Variants in RAB3IP observed in about 807,000 individuals in gnomAD.
The protein encoded by RAB3IP is rab-3A-interacting protein.
RAB3IP carries 36 observed loss-of-function variants against 59.1 expected under a neutral mutation model. The ratio of observed to expected loss-of-function variants is 0.61; its 90% CI spans 0.47 to 0.80. The LOEUF (loss-of-function observed/expected upper bound fraction) is 0.80. Ranked by LOEUF, RAB3IP falls within the 30% of genes least tolerant of loss-of-function variation. The pLI is 0.00. For synonymous variants in RAB3IP, 207 were observed against 191.2 expected, an observed-to-expected ratio of 1.08 and a Z score of -0.68; for missense variants, 511 against 536.0, an observed-to-expected ratio of 0.95 and a Z score of 0.46.
intron 3 of RAB3IP, among the ~76,000 whole-genome samples, chr12:69,768,548 G>C (rs529554878): frequency 1.2e-4 from 19 of 152,284 alleles, no homozygotes; most frequent in African/African-American, 4.3e-4. Flanking sequence ...TGCTCTGAAT[G>C]CCTGGATTTC....
At chr12:69,780,895 TTATA>T (rs1218278737) in intron 3 of RAB3IP, among the ~76,000 whole-genome samples, 1 of 152,218 alleles carries the variant, frequency 6.6e-6, no homozygotes, top group African/African-American at 2.4e-5. Flanking sequence ...TAAAAGTTCT[TTATA>T]TACTACCTTT....
rs897524351 is a variant in RAB3IP at position 69,738,992 on chromosome 12, C to G, written c.-65C>G. On this transcript the variant is annotated 5_prime_UTR_variant, in exon 1 of 11. Coordinates refer to ENST00000247833, the MANE Select transcript of RAB3IP (RefSeq NM_022456.5). Reference sequence around the variant, plus strand: ...GACGCGCTCTCTGCGGCTCTGTGAGCGCCCCTGAGCGCCGGCAGCGGCCGC... The same window carrying G: ...GACGCGCTCTCTGCGGCTCTGTGAGGGCCCCTGAGCGCCGGCAGCGGCCGC... 1 of 152,110 alleles carries G rather than the reference C, an allele frequency of 6.6e-6. No homozygotes were observed. The highest frequency in any genetic ancestry group is 2.4e-5 in the African/African-American group (1 of 41,428). 9.4% of individuals were successfully genotyped at this position (152,110 alleles called of 1,614,324 possible).
At chr12:69,784,135 TGAG>T (rs1455985024) in intron 3 of RAB3IP, among the ~76,000 whole-genome samples, 5 of 152,136 alleles carry the variant, frequency 3.3e-5, no homozygotes, top group Non-Finnish European at 5.9e-5. Context: ...TGTGAACTGG[TGAG>T]GAGTTGAATA....
chr12:69,773,222 C>T (rs1294372102), intron 3 of RAB3IP, among the ~76,000 whole-genome samples: 3 of 151,948 alleles, frequency 2.0e-5, no homozygotes, highest in African/African-American at 7.2e-5. Flanking sequence ...CTTTCAGAAT[C>T]CCCTCCTTGT....
chr12:69,800,665 A>G (rs559469260), intron 7 of RAB3IP, among the ~76,000 whole-genome samples: 1 of 152,306 alleles, frequency 6.6e-6, no homozygotes, highest in Admixed American at 6.5e-5. Flanking sequence ...ACACTCTGTT[A>G]AAGGCATTTG....
At chr12:69,763,943 C>G (rs1871781148) in intron 3 of RAB3IP, among the ~76,000 whole-genome samples, 1 of 152,098 alleles carries the variant, frequency 6.6e-6, no homozygotes, top group African/African-American at 2.4e-5. Context: ...TTATTTTGTT[C>G]TTTTTTAATG....
At chr12:69,799,820 A>G (rs543293328) in intron 6 of RAB3IP, among the ~76,000 whole-genome samples, 82 of 152,240 alleles carry the variant, frequency 5.4e-4, no homozygotes, top group African/African-American at 1.9e-3. Flanking sequence ...GTCATCATTT[A>G]TTATATTCTG....
chr12:69,763,228 C>G (rs1267288998), intron 3 of RAB3IP, among the ~76,000 whole-genome samples: 1 of 152,194 alleles, frequency 6.6e-6, no homozygotes, highest in African/African-American at 2.4e-5. Flanking sequence ...CATGGAAACT[C>G]TCACAAAATT....
At chr12:69,746,892 A>G (rs1281486241) in intron 1 of RAB3IP, among the ~76,000 whole-genome samples, 13 of 152,198 alleles carry the variant, frequency 8.5e-5, no homozygotes, top group Non-Finnish European at 1.5e-5. Flanking sequence ...CCCCCCTTCC[A>G]CAACTGTCTG....
intron 1 of RAB3IP, chr12:69,739,449 C>T (rs1463760517): frequency 2.4e-5 from 4 of 170,160 alleles, no homozygotes; most frequent in Non-Finnish European, 3.7e-5. Context: ...GCCGCGGTCG[C>T]GAAGAGGATG....
intron 10 of RAB3IP, among the ~76,000 whole-genome samples, chr12:69,815,062 T>C (rs1452407126): frequency 6.6e-6 from 1 of 152,226 alleles, no homozygotes; most frequent in Admixed American, 6.5e-5. Context: ...GTATATTCAC[T>C]TAATGAAGGT....
chr12:69,747,319 TGTGTGTGTGTGTGA>T (rs941483948), intron 1 of RAB3IP, among the ~76,000 whole-genome samples: 5 of 144,442 alleles, frequency 3.5e-5, no homozygotes, highest in Non-Finnish European at 7.7e-5. Context: ...TGTGTGTGTG[TGTGTGTGTGTGTGA>T]GAGAGAGAGA....
intron 1 of RAB3IP, among the ~76,000 whole-genome samples, chr12:69,749,335 A>G (rs572752215): frequency 2.0e-5 from 3 of 152,364 alleles, no homozygotes; most frequent in African/African-American, 7.2e-5. Context: ...GAACAGTTTC[A>G]TCCCGAAACC....
intron 8 of RAB3IP, among the ~76,000 whole-genome samples, chr12:69,807,821 C>T (rs1227268526): frequency 6.7e-6 from 1 of 148,452 alleles, no homozygotes; most frequent in African/African-American, 2.5e-5. Context: ...CGCTCCTCAC[C>T]TCCCAGACGG....
At position 69,813,021 on chromosome 12, in the gene RAB3IP, A is replaced by G; in HGVS notation, c.1288A>G (p.Lys430Glu). 1 of 1,611,816 alleles carries G rather than the reference A, an allele frequency of 6.2e-7. No homozygotes were observed. Among genetic ancestry groups the G allele is most frequent in the Non-Finnish European group, 8.5e-7 (1 of 1,178,456 alleles). Residue 430 changes from lysine to glutamate, a missense_variant, in exon 10 of 11, where the codon AAA (lysine) becomes GAA (glutamate). Lys to Glu is a moderately conservative substitution (Grantham distance 56). Coordinates refer to ENST00000247833, the MANE Select transcript of RAB3IP (RefSeq NM_022456.5). ...YIRYIQQGLV[K>E]QQDVDQMFWE... Reference sequence around the variant, plus strand: ...TCGATACATTCAGCAGGGACTCGTGAAACAGCAGGATGGTGAGTGTTCTTG... The same window carrying G: ...TCGATACATTCAGCAGGGACTCGTGGAACAGCAGGATGGTGAGTGTTCTTG...
chr12:69,798,853 A>G (rs1592590268), intron 6 of RAB3IP, among the ~76,000 whole-genome samples: 2 of 152,312 alleles, frequency 1.3e-5, no homozygotes, highest in Admixed American at 6.5e-5. Flanking sequence ...AAATCAATAT[A>G]TGTTGGGAAC....
At chr12:69,751,569 TC>T (rs1189195160) in intron 1 of RAB3IP, among the ~76,000 whole-genome samples, 31 of 152,202 alleles carry the variant, frequency 2.0e-4, no homozygotes, top group South Asian at 8.3e-4. Context: ...TTGTAGTTTT[TC>T]TAATATGCTG....
chr12:69,788,254 A>G (rs929787650), intron 4 of RAB3IP, among the ~76,000 whole-genome samples: 3 of 152,066 alleles, frequency 2.0e-5, no homozygotes, highest in Non-Finnish European at 4.4e-5. Context: ...AATCGGTAGA[A>G]TATACTTACA....
rs142190396 is a variant in RAB3IP at position 69,802,626 on chromosome 12, G to A, written c.1130+905G>A. 1.6e-3 allele frequency among the ~76,000 whole-genome samples: 246 copies of A among 152,338 alleles called. 2 individuals are homozygous for A. The highest frequency in any genetic ancestry group is 5.6e-3 in the African/African-American group (231 of 41,584). On this transcript the variant is annotated intron_variant, in intron 8 of 10. Transcript: ENST00000247833. ...TAGAGCCAGATCAATATAGGGGACT[G>A]GAAAGACTGAGAGAGCTCATAGAAA...
Sources: allele counts gnomAD v4.1 joint callset (sites outside exome capture counted in the v4.1 genomes callset), GRCh38; gene constraint gnomAD v4.1.1; transcripts MANE v1.5; gene names NCBI Gene and HGNC (gene_info 2026-07-23, HGNC 2026-07-21).